The following FTCDNL1 variants were observed in gnomAD, a reference collection of about 807,000 sequenced individuals.
The protein encoded by FTCDNL1 is formiminotransferase cyclodeaminase N-terminal like, also known as formiminotransferase N-terminal subdomain-containing protein.
A neutral mutation model predicts 5.9 loss-of-function variants in FTCDNL1; 11 were observed. The observed-to-expected ratio is 1.87, with a 90% confidence interval of 1.18 to 3.10. The LOEUF is 3.10. Ranked by LOEUF, FTCDNL1 falls within the 30% of genes most tolerant of loss-of-function variation. The probability of loss-of-function intolerance (pLI) is 0.00; values close to 1 mark genes in which losing one functional copy is unlikely to be tolerated. For missense variants in FTCDNL1, 115 were observed against 65.5 expected, an observed-to-expected ratio of 1.76 and a Z score of -2.61; for synonymous variants, 58 against 24.8, an observed-to-expected ratio of 2.34 and a Z score of -3.99.
the FTCDNL1 span, among the ~76,000 whole-genome samples, chr2:199,737,490 T>C: frequency 6.6e-6 from 1 of 152,210 alleles, no homozygotes; most frequent in African/African-American, 2.4e-5. Context: ...CAAATACTCA[T>C]AGGTATACTA....
At chr2:199,761,761 T>G (rs1397106552) in intron 3 of FTCDNL1, among the ~76,000 whole-genome samples, 1 of 152,240 alleles carries the variant, frequency 6.6e-6, no homozygotes, top group Non-Finnish European at 1.5e-5. Flanking sequence ...TTCAGGATTT[T>G]GTACTTTCTG....
chr2:199,725,851 T>C, the FTCDNL1 span, among the ~76,000 whole-genome samples: 4 of 152,254 alleles, frequency 2.6e-5, no homozygotes, highest in South Asian at 2.1e-4. Flanking sequence ...GAAAATCTGA[T>C]GATTATGTGT....
intron 3 of FTCDNL1, among the ~76,000 whole-genome samples, chr2:199,785,341 G>A (rs915171874): frequency 2.6e-4 from 35 of 134,432 alleles, no homozygotes; most frequent in South Asian, 7.6e-4. Flanking sequence ...TCCACCTCCC[G>A]GGTTCACGCC....
At chr2:199,804,192 CT>C (rs1700607698) in intron 3 of FTCDNL1, among the ~76,000 whole-genome samples, 1 of 152,098 alleles carries the variant, frequency 6.6e-6, no homozygotes, top group African/African-American at 2.4e-5. Flanking sequence ...CATATAATTA[CT>C]TTTTTCAAAG....
intron 3 of FTCDNL1, among the ~76,000 whole-genome samples, chr2:199,762,741 A>G (rs12613280): frequency 0.026 from 4,030 of 152,302 alleles, 100 homozygotes; most frequent in East Asian, 0.14. Context: ...TAATCTGCCT[A>G]TGTCATATAT....
intron 3 of FTCDNL1, among the ~76,000 whole-genome samples, chr2:199,830,501 G>C (rs367896173): frequency 6.6e-6 from 1 of 152,112 alleles, no homozygotes; most frequent in African/African-American, 2.4e-5. Context: ...ATTAAACAGA[G>C]CTGTTAAGAA....
At chr2:199,701,299 TAAAAAAAAAAAAAAAA>T in the FTCDNL1 span, among the ~76,000 whole-genome samples, 5 of 72,384 alleles carry the variant, frequency 6.9e-5, no homozygotes, top group Admixed American at 1.8e-4. Flanking sequence ...CTTGAAAGTT[TAAAAAAAAAAAAAAAA>T]AAAAAAAAAA....
At chr2:199,731,984 AT>A in the FTCDNL1 span, among the ~76,000 whole-genome samples, 3 of 152,164 alleles carry the variant, frequency 2.0e-5, no homozygotes, top group Non-Finnish European at 4.4e-5. Flanking sequence ...AGAAGAAACA[AT>A]TTTTGTTTTT....
At chr2:199,816,966 G>A (rs945174508) in intron 4 of FTCDNL1, among the ~76,000 whole-genome samples, 5 of 152,192 alleles carry the variant, frequency 3.3e-5, no homozygotes, top group Admixed American at 3.3e-4. Context: ...TGGTGATACT[G>A]CTTAGCACAT....
intron 3 of FTCDNL1, among the ~76,000 whole-genome samples, chr2:199,765,558 T>TA (rs1559169198): frequency 4.2e-4 from 21 of 50,218 alleles, no homozygotes; most frequent in African/African-American, 8.7e-4. Context: ...ATATATATAT[T>TA]TTTTTTTTTT....
intron 3 of FTCDNL1, among the ~76,000 whole-genome samples, chr2:199,831,952 A>C (rs1303309981): frequency 6.6e-6 from 1 of 152,138 alleles, no homozygotes; most frequent in Non-Finnish European, 1.5e-5. Flanking sequence ...CCTCCCTATA[A>C]ACAGAAAAAT....
At chr2:199,761,404 G>GTC (rs1204283718) in intron 3 of FTCDNL1, among the ~76,000 whole-genome samples, 1 of 152,116 alleles carries the variant, frequency 6.6e-6, no homozygotes, top group Non-Finnish European at 1.5e-5. Context: ...ATGAGATTAC[G>GTC]TCTCTCTCCA....
chr2:199,788,849 C>T (rs1699785680), intron 3 of FTCDNL1, among the ~76,000 whole-genome samples: 1 of 151,752 alleles, frequency 6.6e-6, no homozygotes, highest in African/African-American at 2.4e-5. Flanking sequence ...GGATGTATAA[C>T]AGATACAGAC....
At chr2:199,704,640 T>C in the FTCDNL1 span, among the ~76,000 whole-genome samples, 1 of 152,048 alleles carries the variant, frequency 6.6e-6, no homozygotes, top group African/African-American at 2.4e-5. Context: ...GAAGCACCTT[T>C]AGAAAACTGT....
At chr2:199,666,531 T>C in the FTCDNL1 span, among the ~76,000 whole-genome samples, 1 of 152,214 alleles carries the variant, frequency 6.6e-6, no homozygotes, top group Non-Finnish European at 1.5e-5. Context: ...TATTCAATGA[T>C]TGGACAGCCA....
the FTCDNL1 span, among the ~76,000 whole-genome samples, chr2:199,733,204 C>T: frequency 9.9e-5 from 15 of 152,202 alleles, no homozygotes; most frequent in African/African-American, 3.1e-4. Context: ...GGGAGGATAG[C>T]ATGAGAAGAG....
At chr2:199,674,995 C>T in the FTCDNL1 span, among the ~76,000 whole-genome samples, 1 of 152,162 alleles carries the variant, frequency 6.6e-6, no homozygotes, top group South Asian at 2.1e-4. Flanking sequence ...ATCAGGAATG[C>T]TAATTTCATT....
At chr2:199,738,931 C>G in the FTCDNL1 span, among the ~76,000 whole-genome samples, 2 of 152,290 alleles carry the variant, frequency 1.3e-5, no homozygotes, top group South Asian at 4.1e-4. Context: ...TGTAAACACA[C>G]CATTCTCATG....
intron 3 of FTCDNL1, among the ~76,000 whole-genome samples, chr2:199,777,625 C>G (rs963582172): frequency 6.6e-6 from 1 of 152,140 alleles, no homozygotes; most frequent in Non-Finnish European, 1.5e-5. Context: ...GACCAAATAT[C>G]TGGATATTAT....
Sources: allele counts gnomAD v4.1 joint callset (sites outside exome capture counted in the v4.1 genomes callset), GRCh38; gene constraint gnomAD v4.1.1; transcripts MANE v1.5; gene names NCBI Gene and HGNC (gene_info 2026-07-23, HGNC 2026-07-21).